The following TENM2 variants were observed in gnomAD, a reference collection of about 807,000 sequenced individuals.
TENM2 encodes the protein teneurin transmembrane protein 2, also known as teneurin-2.
Under a neutral mutation model 245.2 loss-of-function variants are expected in TENM2, and 52 were observed. That is an observed-to-expected ratio of 0.21 (90% CI 0.17 to 0.27). The LOEUF (loss-of-function observed/expected upper bound fraction) is 0.27. Among genes scored for constraint, TENM2 ranks in the 10% least tolerant of loss-of-function variants. The pLI, the probability that TENM2 is intolerant of heterozygous loss-of-function variation, is 1.00. For synonymous variants in TENM2, 1,363 were observed against 1,438.9 expected (o/e 0.95, Z 1.19); for missense variants, 3,046 against 3,666.8 (o/e 0.83, Z 4.37).
chr5:167,752,441 GT>G (rs541796478), intron 2 of TENM2, among the ~76,000 whole-genome samples: 317 of 151,930 alleles, frequency 2.1e-3, no homozygotes, highest in Non-Finnish European at 3.8e-3. Context: ...TGAAACACCT[GT>G]GTGAGCACCC....
At chr5:167,965,598 A>C (rs1209737706) in intron 4 of TENM2, 1 of 151,766 alleles carries the variant, frequency 6.6e-6, no homozygotes, top group African/African-American at 2.4e-5. Context: ...AAAGAAAAAA[A>C]ATTCTCTCCA....
intron 2 of TENM2, among the ~76,000 whole-genome samples, chr5:167,641,157 C>G (rs564398243): frequency 6.6e-6 from 1 of 151,808 alleles, no homozygotes; most frequent in East Asian, 1.9e-4. Context: ...ATTAATGAAG[C>G]CTTACTGTGT....
the TENM2 span, among the ~76,000 whole-genome samples, chr5:167,046,149 C>A: frequency 1.3e-5 from 2 of 152,120 alleles, no homozygotes; most frequent in Non-Finnish European, 2.9e-5. Context: ...AAAAAAGGTA[C>A]TGTGGTTACC....
chr5:168,246,589 A>G (rs1308818071), intron 26 of TENM2, among the ~76,000 whole-genome samples, 168 bp from the exon 29 acceptor site: 1 of 152,228 alleles, frequency 6.6e-6, no homozygotes, highest in African/African-American at 2.4e-5. Flanking sequence ...ACCATGATCC[A>G]TCAAAATTGG....
intron 1 of TENM2, among the ~76,000 whole-genome samples, chr5:167,344,987 C>T (rs1359166049): frequency 6.6e-6 from 1 of 152,186 alleles, no homozygotes; most frequent in Non-Finnish European, 1.5e-5. Context: ...AAAGGAAGTA[C>T]AGCCTCCTTA....
intron 2 of TENM2, among the ~76,000 whole-genome samples, chr5:167,603,166 T>C (rs919590016): frequency 6.6e-6 from 1 of 152,112 alleles, no homozygotes; most frequent in African/African-American, 2.4e-5. Flanking sequence ...TGGAATGTCA[T>C]TTGTTCTTGT....
chr5:167,091,925 T>C, the TENM2 span, among the ~76,000 whole-genome samples: 1 of 152,222 alleles, frequency 6.6e-6, no homozygotes, highest in Non-Finnish European at 1.5e-5. Flanking sequence ...ACTCTGAGGT[T>C]CTCAAAGTTA....
intron 2 of TENM2, among the ~76,000 whole-genome samples, chr5:167,873,748 G>A (rs974448826): frequency 1.3e-5 from 2 of 152,104 alleles, no homozygotes; most frequent in Middle Eastern, 3.2e-3. Context: ...CACTGATTCT[G>A]ATCAAACTCC....
intron 5 of TENM2, among the ~76,000 whole-genome samples, chr5:168,000,166 C>G (rs975628907): frequency 3.3e-5 from 5 of 152,212 alleles, no homozygotes; most frequent in African/African-American, 1.2e-4. Context: ...GTGGCCAAGC[C>G]AACAGGCCCT....
intron 2 of TENM2, among the ~76,000 whole-genome samples, chr5:167,539,148 C>G (rs1275778603): frequency 6.6e-6 from 1 of 152,040 alleles, no homozygotes; most frequent in Non-Finnish European, 1.5e-5. Flanking sequence ...AAGTCTCACA[C>G]CAACTGAAAT....
intron 1 of TENM2, among the ~76,000 whole-genome samples, chr5:167,346,840 C>G (rs1758484517): frequency 6.6e-6 from 1 of 151,988 alleles, no homozygotes; most frequent in South Asian, 2.1e-4. Flanking sequence ...GTGGCATGAT[C>G]ACGGCTTTCT....
the TENM2 span, among the ~76,000 whole-genome samples, chr5:167,118,390 A>C: frequency 6.6e-6 from 1 of 152,162 alleles, no homozygotes; most frequent in African/African-American, 2.4e-5. Context: ...GAATTCTATA[A>C]AAAATGCTTG....
intron 10 of TENM2, among the ~76,000 whole-genome samples, chr5:168,120,828 T>C (rs1795418529): frequency 1.3e-5 from 2 of 152,250 alleles, no homozygotes; most frequent in African/African-American, 4.8e-5. Context: ...TTACCTGAAA[T>C]GGCCATGGCA....
At chr5:168,105,695 G>A (rs890883428) in intron 9 of TENM2, among the ~76,000 whole-genome samples, 1 of 151,972 alleles carries the variant, frequency 6.6e-6, no homozygotes, top group Non-Finnish European at 1.5e-5. Context: ...CAGATCCAGG[G>A]CCTCAGGAAA....
chr5:167,994,133 T>A (rs1783874894), intron 5 of TENM2, among the ~76,000 whole-genome samples: 2 of 151,926 alleles, frequency 1.3e-5, no homozygotes, highest in Non-Finnish European at 2.9e-5. Flanking sequence ...TGTTAAAGTT[T>A]ATTTGAAACA....
rs757827618 is a variant in TENM2 at position 168,124,868 on chromosome 5, C to G, written c.2027C>G (p.Thr676Ser). Residue 676 changes from threonine (T) to serine (S), a missense_variant, in exon 11 of 29, where the codon ACC (threonine) becomes AGC (serine). This residue lies in a region of TENM2 where 2,704 missense variants were observed against 3,331.9 expected (regional missense o/e 0.81). Coordinates refer to ENST00000518659, the Ensembl canonical transcript of TENM2. ...TTTTCAGTTGATTGCTTGGATCCCACCTGCTCCAGCCACGGAGTCTGTGTG... is the reference window on the plus strand; with the variant it reads ...TTTTCAGTTGATTGCTTGGATCCCAGCTGCTCCAGCCACGGAGTCTGTGTG... The G allele has an allele frequency of 3.1e-6, 5 of 1,612,108 alleles. 1 individual carries two copies. The Admixed American group carries it at 8.3e-5, about 27-fold the overall frequency.
At chr5:167,567,976 A>C (rs1032810537) in intron 2 of TENM2, among the ~76,000 whole-genome samples, 1 of 88,552 alleles carries the variant, frequency 1.1e-5, no homozygotes, top group Admixed American at 1.3e-4. Flanking sequence ...TATATATTGT[A>C]CAAAAAAAAA....
At chr5:167,578,223 G>A (rs1408506271) in intron 2 of TENM2, among the ~76,000 whole-genome samples, 1 of 152,186 alleles carries the variant, frequency 6.6e-6, no homozygotes, top group Non-Finnish European at 1.5e-5. Flanking sequence ...TCTGTCTACA[G>A]GGCATCTATT....
intron 2 of TENM2, among the ~76,000 whole-genome samples, chr5:167,768,337 A>G: frequency 6.6e-6 from 1 of 152,164 alleles, no homozygotes; most frequent in African/African-American, 2.4e-5. Flanking sequence ...GGTAAGGTTT[A>G]TTTTTAAACT....
Sources: allele counts gnomAD v4.1 joint callset (sites outside exome capture counted in the v4.1 genomes callset), GRCh38; gene constraint gnomAD v4.1.1; regional missense constraint gnomAD v4.1.1; transcripts MANE v1.5; gene names NCBI Gene and HGNC (gene_info 2026-07-23, HGNC 2026-07-21).